FAM13C: variants seen among roughly 807,000 people sequenced by gnomAD.
The protein encoded by FAM13C is protein FAM13C.
A neutral mutation model predicts 73.2 loss-of-function variants in FAM13C; 37 were observed. That is an observed-to-expected ratio of 0.51 (90% CI 0.39 to 0.67). The LOEUF (loss-of-function observed/expected upper bound fraction) is 0.67, where lower values mean the gene tolerates loss of function less well. Among genes scored for constraint, FAM13C ranks in the 30% least tolerant of loss-of-function variants. FAM13C has a pLI of 0.00. For synonymous variants in FAM13C, 246 were observed against 260.9 expected, an observed-to-expected ratio of 0.94 and a Z score of 0.55; for missense variants, 589 against 715.6, an observed-to-expected ratio of 0.82 and a Z score of 2.02.
intron 3 of FAM13C, among the ~76,000 whole-genome samples, chr10:59,334,459 G>A (rs1273717946): frequency 2.0e-5 from 3 of 152,084 alleles, no homozygotes; most frequent in Non-Finnish European, 4.4e-5. Context: ...ACATGCACAC[G>A]TATGTTTATT....
chr10:59,362,609 A>C, upstream of FAM13C: 1 of 1,472,774 alleles, frequency 6.8e-7, no homozygotes, highest in East Asian at 2.6e-5. Context: ...TCGTAACGAC[A>C]CCCCCAGCAG....
chr10:59,272,262 C>A (rs1843800238), intron 6 of FAM13C, among the ~76,000 whole-genome samples: 1 of 152,160 alleles, frequency 6.6e-6, no homozygotes, highest in South Asian at 2.1e-4. Flanking sequence ...CAGAAAGATC[C>A]CAAAGCAACC....
chr10:59,358,435 T>G (rs149384443), intron 1 of FAM13C, among the ~76,000 whole-genome samples: 1 of 152,334 alleles, frequency 6.6e-6, no homozygotes, highest in African/African-American at 2.4e-5. Context: ...TTCTTGCCAA[T>G]AGTCCACTCT....
At chr10:59,255,100 G>A (rs1841826420) in intron 10 of FAM13C, among the ~76,000 whole-genome samples, 1 of 152,032 alleles carries the variant, frequency 6.6e-6, no homozygotes, top group Admixed American at 6.5e-5. Flanking sequence ...ATTTTATCTA[G>A]ACTTTCCTGA....
intron 3 of FAM13C, among the ~76,000 whole-genome samples, chr10:59,336,532 A>G (rs1852747985): frequency 6.6e-6 from 1 of 152,166 alleles, no homozygotes. Context: ...TCAAGCCAAG[A>G]TTAGGGTGTG....
chr10:59,327,062 G>A (rs1851246393), intron 3 of FAM13C, among the ~76,000 whole-genome samples: 1 of 152,060 alleles, frequency 6.6e-6, no homozygotes, highest in Non-Finnish European at 1.5e-5. Flanking sequence ...AATGAGAAAG[G>A]TGAAATTTTG....
chr10:59,247,542 A>G lies in FAM13C; in HGVS notation c.*72T>C. On this transcript the variant is annotated 3_prime_UTR_variant, in exon 14 of 14. Transcript: ENST00000618804. ...CATTTTCATTGTGTCAAAACTACTTAGCAAGGATGGCAGAGGAAAATAAAC... is the reference window on the plus strand; with the variant it reads ...CATTTTCATTGTGTCAAAACTACTTGGCAAGGATGGCAGAGGAAAATAAAC... 6.3e-7 allele frequency: 1 copy of G among 1,592,420 alleles called. No homozygotes were observed. Among genetic ancestry groups the G allele is most frequent in the Non-Finnish European group, 8.6e-7 (1 of 1,165,864 alleles).
At chr10:59,250,788 G>C (rs1236282468) in intron 13 of FAM13C, among the ~76,000 whole-genome samples, 3 of 152,156 alleles carry the variant, frequency 2.0e-5, no homozygotes, top group Non-Finnish European at 4.4e-5. Flanking sequence ...CTTTGGGAAA[G>C]TTACACTCTT....
intron 7 of FAM13C, among the ~76,000 whole-genome samples, chr10:59,269,452 T>A (rs971033944): frequency 4.6e-5 from 6 of 130,450 alleles, no homozygotes; most frequent in Admixed American, 2.9e-4. Flanking sequence ...ACACACACAT[T>A]ATTTGGATGA....
intron 2 of FAM13C, among the ~76,000 whole-genome samples, chr10:59,353,560 T>G (rs1855344442): frequency 6.6e-6 from 1 of 152,120 alleles, no homozygotes; most frequent in Non-Finnish European, 1.5e-5. Flanking sequence ...CAAGGACACC[T>G]AAAGCCAAGA....
chr10:59,278,648 C>T (rs1844587871), intron 6 of FAM13C, among the ~76,000 whole-genome samples: 1 of 152,068 alleles, frequency 6.6e-6, no homozygotes, highest in African/African-American at 2.4e-5. Context: ...GCCAAATGTC[C>T]TCGAGGGCGG....
intron 5 of FAM13C, chr10:59,300,915 T>C (rs2082173818): frequency 6.6e-6 from 1 of 152,252 alleles, no homozygotes; most frequent in Non-Finnish European, 1.5e-5. Flanking sequence ...TGTATACCTA[T>C]GACCTGTGCA....
chr10:59,253,436 AAC>A (rs1841606359), intron 11 of FAM13C, among the ~76,000 whole-genome samples: 1 of 152,236 alleles, frequency 6.6e-6, no homozygotes, highest in Admixed American at 6.5e-5. Flanking sequence ...AGTGGGGACC[AAC>A]ATTCAGATAC....
chr10:59,292,737 T>C (rs1172747588), intron 5 of FAM13C, among the ~76,000 whole-genome samples: 2 of 152,348 alleles, frequency 1.3e-5, no homozygotes, highest in South Asian at 2.1e-4. Context: ...ATAATAATTA[T>C]ACATATTTAC....
intron 9 of FAM13C, 133 bp downstream of exon 9, chr10:59,263,952 G>A (rs1380214793): frequency 2.5e-6 from 2 of 800,022 alleles, no homozygotes; most frequent in Admixed American, 3.8e-5. Context: ...ATTTCAAAAG[G>A]GAGTTACAGT....
At chr10:59,358,344 C>T (rs777511653) in intron 1 of FAM13C, among the ~76,000 whole-genome samples, 1 of 152,134 alleles carries the variant, frequency 6.6e-6, no homozygotes, top group East Asian at 1.9e-4. Context: ...CACCACTGCA[C>T]TCTAGCCTGG....
chr10:59,349,780 A>G (rs1854787160), intron 3 of FAM13C, among the ~76,000 whole-genome samples: 1 of 152,124 alleles, frequency 6.6e-6, no homozygotes, highest in African/African-American at 2.4e-5. Flanking sequence ...AAAAATAATA[A>G]TAAGATTGAA....
At position 59,259,207 on chromosome 10, in the gene FAM13C, G is replaced by C. The variant is rs1842236062; in HGVS notation, c.1236+3227C>G. On this transcript the variant is annotated intron_variant, in intron 10 of 13. Coordinates refer to ENST00000618804, the MANE Select transcript of FAM13C (RefSeq NM_198215.4). Reference sequence around the variant, plus strand: ...CATTGACAGTATCTGAAGCAACAAGGCAATGCTATAGGATTTATCAGCCTT... The same window carrying C: ...CATTGACAGTATCTGAAGCAACAAGCCAATGCTATAGGATTTATCAGCCTT... Among the ~76,000 whole-genome samples the C allele has an allele frequency of 2.0e-5, 3 of 152,134 alleles. No homozygotes were observed. The South Asian group carries it at 6.2e-4, about 32-fold the overall frequency.
intron 7 of FAM13C, among the ~76,000 whole-genome samples, chr10:59,269,082 C>CT (rs1416502638): frequency 2.6e-5 from 4 of 152,026 alleles, no homozygotes; most frequent in South Asian, 4.2e-4. Context: ...CATAACAGGA[C>CT]TTTTTTTTAA....
Sources: gnomAD v4.1 joint callset for allele counts (sites outside exome capture counted in the v4.1 genomes callset) on GRCh38, gnomAD v4.1.1 for gene constraint, MANE v1.5 for transcripts, NCBI Gene and HGNC (gene_info 2026-07-23, HGNC 2026-07-21) for gene names.